Variants in TTLL11 observed in about 807,000 individuals in gnomAD.
TTLL11 encodes tubulin tyrosine ligase like 11.
A neutral mutation model predicts 51.7 loss-of-function variants in TTLL11; 42 were observed. The ratio of observed to expected loss-of-function variants is 0.81; its 90% CI spans 0.64 to 1.05. The LOEUF (loss-of-function observed/expected upper bound fraction) is 1.05. TTLL11 is among the 50% of genes least tolerant of loss of function. The probability of loss-of-function intolerance (pLI) is 0.00; values close to 1 mark genes in which losing one functional copy is unlikely to be tolerated. For synonymous variants in TTLL11, 381 were observed against 383.5 expected (o/e 0.99, Z 0.08); for missense variants, 799 against 940.4 (o/e 0.85, Z 1.97).
intron 7 of TTLL11, among the ~76,000 whole-genome samples, chr9:121,870,187 A>T (rs765746216): frequency 2.9e-4 from 44 of 152,238 alleles, no homozygotes; most frequent in Non-Finnish European, 5.9e-4. Context: ...TTTAAGAAGC[A>T]CAAGGTCTGC....
chr9:121,958,980 AGG>A (rs67158066), intron 6 of TTLL11, among the ~76,000 whole-genome samples: 17 of 151,348 alleles, frequency 1.1e-4, no homozygotes, highest in Admixed American at 5.9e-4. Flanking sequence ...CCACTTTACA[AGG>A]GGGGGGGTCC....
Position 121,995,825 on chromosome 9 carries a change from C to T in TTLL11, c.694-6055G>A, listed in dbSNP as rs935812853. The stretch of plus-strand genomic sequence containing the variant: ...CTTGGAAAGAATAAGAGCTGCTGTC[C>T]GACAGGGATGAGACTCAGACTCTAA... On this transcript the variant is annotated intron_variant, in intron 3 of 8. Coordinates refer to ENST00000321582, the MANE Select transcript of TTLL11 (RefSeq NM_001139442.2). This position sits in a 1 kb window ranked among gnomAD's most constrained non-coding sequence, Gnocchi z 4.4. 3.9e-5 allele frequency among the ~76,000 whole-genome samples: 6 copies of T among 152,086 alleles called. No individual in the cohort carries two copies. Among genetic ancestry groups the T allele is most frequent in the African/African-American group, 7.2e-5 (3 of 41,390 alleles).
chr9:121,829,979 C>G (rs1049143396), intron 8 of TTLL11, among the ~76,000 whole-genome samples: 9 of 152,190 alleles, frequency 5.9e-5, no homozygotes, highest in African/African-American at 2.2e-4. Flanking sequence ...ATGGCTGTCT[C>G]TCTAATGAGA....
intron 6 of TTLL11, among the ~76,000 whole-genome samples, chr9:121,902,344 G>A (rs1036411311): frequency 6.6e-6 from 1 of 152,236 alleles, no homozygotes; most frequent in African/African-American, 2.4e-5. Flanking sequence ...GTGCACAGGT[G>A]TGCCATGATG....
intron 4 of TTLL11, among the ~76,000 whole-genome samples, chr9:121,986,515 T>G (rs991412419): frequency 5.3e-5 from 8 of 152,166 alleles, no homozygotes; most frequent in Non-Finnish European, 1.0e-4. Context: ...AGTTCTTCCC[T>G]TTTCTCCTTT....
intron 4 of TTLL11, among the ~76,000 whole-genome samples, chr9:121,986,719 G>C (rs1298381038): frequency 1.3e-5 from 2 of 151,982 alleles, no homozygotes; most frequent in African/African-American, 4.8e-5. Context: ...CCTAGCCCCT[G>C]GGGTGTCCTC....
At chr9:122,091,584 T>C (rs1423688947) in intron 1 of TTLL11, among the ~76,000 whole-genome samples, 1 of 152,194 alleles carries the variant, frequency 6.6e-6, no homozygotes, top group Non-Finnish European at 1.5e-5. Context: ...CATCAGTCCT[T>C]TCTGTGGCCA....
At chr9:121,852,361 C>A (rs927449765) in intron 8 of TTLL11, among the ~76,000 whole-genome samples, 5 of 152,136 alleles carry the variant, frequency 3.3e-5, no homozygotes, top group Non-Finnish European at 7.3e-5. Context: ...TGCAGTGCCC[C>A]CTCTCAGGGC....
chr9:121,884,286 C>T (rs895821491), intron 6 of TTLL11, among the ~76,000 whole-genome samples: 3 of 152,162 alleles, frequency 2.0e-5, no homozygotes, highest in Admixed American at 6.5e-5. Context: ...CCCACTTGAC[C>T]GACTCACCCG....
Position 121,971,002 on chromosome 9 carries a change from C to A in TTLL11, c.1481+3007G>T, listed in dbSNP as rs111628837. The stretch of plus-strand genomic sequence containing the variant: ...AAGAAAATGTGGCCGGCCAGCCGCC[C>A]CATCCGGGAGGGAGGTGGGGGGGTC... On this transcript the variant is annotated intron_variant, in intron 6 of 8. Transcript: ENST00000321582. Among the ~76,000 whole-genome samples the A allele has an allele frequency of 1.9e-3, 289 of 151,894 alleles. 1 individual carries two copies. The highest frequency in any genetic ancestry group is 3.3e-3 in the Non-Finnish European group (226 of 67,800).
intron 3 of TTLL11, among the ~76,000 whole-genome samples, chr9:122,030,835 GA>G (rs1844519177): frequency 6.7e-6 from 1 of 149,746 alleles, no homozygotes; most frequent in Non-Finnish European, 1.5e-5. Flanking sequence ...CAGCTACTCA[GA>G]AGGCTGAGGC....
intron 6 of TTLL11, among the ~76,000 whole-genome samples, chr9:121,878,392 G>A (rs548815428): frequency 2.6e-5 from 4 of 152,228 alleles, no homozygotes; most frequent in Non-Finnish European, 5.9e-5. Context: ...TTTACATTCC[G>A]GGCTCCCAAG....
chr9:121,847,159 G>A (rs1223585659), intron 8 of TTLL11, among the ~76,000 whole-genome samples: 2 of 147,956 alleles, frequency 1.4e-5, no homozygotes, highest in African/African-American at 2.5e-5. Context: ...GCCGTGAGGC[G>A]AGATCGCACC....
chr9:121,932,430 G>T (rs1354150481), intron 6 of TTLL11, among the ~76,000 whole-genome samples: 1 of 152,186 alleles, frequency 6.6e-6, no homozygotes, highest in African/African-American at 2.4e-5. Context: ...CTCAGGATGT[G>T]TTTGGATTAC....
intron 3 of TTLL11, among the ~76,000 whole-genome samples, chr9:121,990,120 A>C (rs1843068416): frequency 6.6e-6 from 1 of 152,248 alleles, no homozygotes; most frequent in Non-Finnish European, 1.5e-5. Flanking sequence ...AATATCATTT[A>C]TGAGCGCCTG....
intron 7 of TTLL11, among the ~76,000 whole-genome samples, chr9:121,870,179 T>G (rs998366138): frequency 1.3e-5 from 2 of 152,176 alleles, no homozygotes; most frequent in African/African-American, 2.4e-5. Flanking sequence ...AAGCCCAGTT[T>G]AAGAAGCACA....
intron 6 of TTLL11, among the ~76,000 whole-genome samples, chr9:121,895,603 ATG>A (rs1314224879): frequency 2.4e-5 from 3 of 127,274 alleles, no homozygotes; most frequent in South Asian, 2.7e-4. Flanking sequence ...GTGGTTGTGT[ATG>A]TGTGTCTGTG....
chr9:121,826,977 C>T (rs924748057), intron 8 of TTLL11, among the ~76,000 whole-genome samples: 14 of 151,942 alleles, frequency 9.2e-5, no homozygotes, highest in East Asian at 1.9e-4. Context: ...CAGAGAGCAC[C>T]GGTGGTCACT....
intron 1 of TTLL11, among the ~76,000 whole-genome samples, chr9:122,087,825 G>A (rs1846167009): frequency 6.6e-6 from 1 of 152,220 alleles, no homozygotes; most frequent in Admixed American, 6.5e-5. Flanking sequence ...AGCATCTGCG[G>A]TGAACCAGAA....
Sources: gnomAD v4.1 joint callset for allele counts (sites outside exome capture counted in the v4.1 genomes callset) on GRCh38, gnomAD v4.1.1 for gene constraint, Gnocchi (gnomAD v3.1) non-coding constraint, MANE v1.5 for transcripts, NCBI Gene and HGNC (gene_info 2026-07-23, HGNC 2026-07-21) for gene names.